ITFG2: variants seen among roughly 807,000 people sequenced by gnomAD.
The protein encoded by ITFG2 is KICSTOR complex protein ITFG2.
A neutral mutation model predicts 54.4 loss-of-function variants in ITFG2; 36 were observed. The observed-to-expected ratio is 0.66, with a 90% CI of 0.51 to 0.87. ITFG2 has a LOEUF of 0.87. Among genes scored for constraint, ITFG2 ranks in the 40% least tolerant of loss-of-function variants. ITFG2 has a pLI of 0.00. For missense variants in ITFG2, 524 were observed against 576.7 expected, an observed-to-expected ratio of 0.91 and a Z score of 0.94; for synonymous variants, 211 against 225.4, an observed-to-expected ratio of 0.94 and a Z score of 0.57.
intron 1 of ITFG2, among the ~76,000 whole-genome samples, chr12:2,814,280 G>T (rs565796509): frequency 1.3e-5 from 2 of 152,268 alleles, no homozygotes; most frequent in East Asian, 3.9e-4. Context: ...AGCACCTTCA[G>T]ATATACATTA....
intron 2 of ITFG2, among the ~76,000 whole-genome samples, chr12:2,856,513 G>A (rs764204792): frequency 4.6e-5 from 7 of 152,216 alleles, no homozygotes; most frequent in Non-Finnish European, 7.4e-5. Flanking sequence ...TTACAGGCGC[G>A]TGCCACCATG....
chr12:2,840,825 AT>A (rs146290451), intron 1 of ITFG2: 4,325 of 147,796 alleles, frequency 0.029, 187 homozygotes, highest in African/African-American at 0.096. Context: ...TCCAAATACA[AT>A]TTTTTTTTTT....
At chr12:2,820,979 A>G in intron 6 of ITFG2, 107 bp downstream of exon 6, 6 of 1,200,784 alleles carry the variant, frequency 5.0e-6, no homozygotes, top group East Asian at 2.5e-5. Context: ...GAGCTGCCTC[A>G]TCTAGGTCCC....
chr12:2,821,755 A>T lies in ITFG2; in HGVS notation c.911A>T (p.Asp304Val). Residue 304 changes from aspartate to valine, a missense_variant, in exon 9 of 12, where the codon GAT (aspartate) becomes GTT (valine). Physicochemically the swap from Asp to Val is radical, Grantham distance 152. Transcript: ENST00000228799. ...ADKLLWSVQVDHQLFALEKLD... is the reference protein window; with the variant it reads ...ADKLLWSVQVVHQLFALEKLD... ...AAGCTGCTGTGGTCAGTGCAGGTGG[A>T]TCACCAGCTCTTTGCCCTGGAGAAA... is the stretch of plus-strand genomic sequence containing the variant. 1 of 1,614,074 alleles carries T rather than the reference A, an allele frequency of 6.2e-7. No homozygotes were observed. Among genetic ancestry groups the T allele is most frequent in the South Asian group, 1.1e-5 (1 of 91,090 alleles).
At chr12:2,849,380 G>A (rs749177320) in intron 2 of ITFG2, 1 of 1,536,200 alleles carries the variant, frequency 6.5e-7, no homozygotes, top group Admixed American at 2.0e-5. Flanking sequence ...GCGCTGGGCA[G>A]CAAGGCCAGC....
At chr12:2,854,511 C>T (rs546618418) in intron 2 of ITFG2, among the ~76,000 whole-genome samples, 1 of 152,320 alleles carries the variant, frequency 6.6e-6, no homozygotes, top group South Asian at 2.1e-4. Context: ...GCTTTCACTC[C>T]AGTTCTTTAC....
upstream of ITFG2, among the ~76,000 whole-genome samples, chr12:2,832,438 A>C (rs1417001831): frequency 6.7e-6 from 1 of 149,984 alleles, no homozygotes; most frequent in Non-Finnish European, 1.5e-5. Flanking sequence ...TCTTCCTGAA[A>C]CTCCTCTTCC....
chr12:2,852,339 T>C lies in ITFG2; in HGVS notation n.301-5673T>C, dbSNP rs535936836. On this transcript the variant is annotated intron_variant and non_coding_transcript_variant, in intron 2 of 3. Transcript: ENST00000537710. ...CTAGGCCCTGTGCCATTTGACCCTC[T>C]AACCACCTTAACCACCTGCTGTGGG... is the stretch of plus-strand genomic sequence containing the variant. Among the ~76,000 whole-genome samples, 9 of 152,238 alleles carry C rather than the reference T, an allele frequency of 5.9e-5. No homozygotes were observed. In the East Asian group the frequency reaches 1.7e-3, roughly 30 times the overall value.
upstream of ITFG2, chr12:2,835,030 G>T: frequency 6.7e-7 from 1 of 1,491,188 alleles, no homozygotes; most frequent in East Asian, 2.3e-5. Flanking sequence ...TTGCTGTAGA[G>T]GGAGTGAGAC....
At chr12:2,818,487 T>C in intron 4 of ITFG2, 2 of 900,068 alleles carry the variant, frequency 2.2e-6, no homozygotes, top group Non-Finnish European at 1.6e-6. Context: ...CTGGGCCTTA[T>C]TATGAAGAAA....
Position 2,818,222 on chromosome 12 carries a change from A to G in ITFG2, c.351A>G (p.Pro117=). 2 of 1,614,060 alleles carry G rather than the reference A, an allele frequency of 1.2e-6. No homozygotes were observed. The highest frequency in any genetic ancestry group is 2.2e-5 in the East Asian group (1 of 44,878). ...HETLIGEEQR[P]VFKQHIPANT... ...CACTAATCGGAGAGGAGCAGCGTCC[A>G]GTCTTCAAGCAGCACATCCCTGCCA... Residue 117 remains proline (P), a synonymous_variant, in exon 4 of 12, where the codon CCA becomes CCG. Transcript: ENST00000228799.
Position 2,844,302 on chromosome 12 carries a change from G to A in ITFG2, n.300+3307G>A, listed in dbSNP as rs140251845. Among the ~76,000 whole-genome samples, 165 of 151,860 alleles carry A rather than the reference G, an allele frequency of 1.1e-3. 1 individual carries two copies. The highest frequency in any genetic ancestry group is 3.8e-3 in the African/African-American group (156 of 41,364). On this transcript the variant is annotated intron_variant and non_coding_transcript_variant, in intron 2 of 3. Coordinates refer to the ITFG2 transcript ENST00000537710. ...GGCATGGTGGCTGATGCCCGTAATCGCAGCACTTTGGGAGGCTGAGGTGGG... is the reference window on the plus strand; with the variant it reads ...GGCATGGTGGCTGATGCCCGTAATCACAGCACTTTGGGAGGCTGAGGTGGG...
intron 2 of ITFG2, among the ~76,000 whole-genome samples, chr12:2,841,864 G>A (rs1196400564): frequency 2.1e-5 from 3 of 146,004 alleles, no homozygotes; most frequent in African/African-American, 7.6e-5. Context: ...GACTACAGGC[G>A]CCCGCCACCA....
At position 2,818,250 on chromosome 12, in the gene ITFG2, A is replaced by G; in HGVS notation, c.379A>G (p.Thr127Ala). 2 of 1,613,742 alleles carry G rather than the reference A, an allele frequency of 1.2e-6. No individual in the cohort carries two copies. Among genetic ancestry groups the G allele is most frequent in the Non-Finnish European group, 1.7e-6 (2 of 1,180,034 alleles). The stretch of plus-strand genomic sequence containing the variant: ...CTTCAAGCAGCACATCCCTGCCAAC[A>G]CCAAGGTCATGCTGATCAGCGACAT... Reference protein sequence around the residue: ...PVFKQHIPANTKVMLISDIDG... With the variant: ...PVFKQHIPANAKVMLISDIDG... Residue 127 changes from threonine to alanine, a missense_variant, in exon 4 of 12, where the codon ACC becomes GCC. Coordinates refer to ENST00000228799, the MANE Select transcript of ITFG2 (RefSeq NM_018463.4).
At chr12:2,834,988 G>A, upstream of ITFG2, 1 of 1,553,914 alleles carries the variant, frequency 6.4e-7, no homozygotes, top group Admixed American at 1.9e-5. Context: ...TAACATGCAG[G>A]AGCAGCCGCG....
upstream of ITFG2, among the ~76,000 whole-genome samples, chr12:2,832,664 G>A (rs935231219): frequency 1.7e-4 from 26 of 150,908 alleles, no homozygotes; most frequent in Non-Finnish European, 1.2e-4. Flanking sequence ...CAAATGTTAT[G>A]TATGGATTTT....
intron 2 of ITFG2, among the ~76,000 whole-genome samples, chr12:2,843,681 C>T (rs955757778): frequency 1.3e-5 from 2 of 152,286 alleles, no homozygotes; most frequent in East Asian, 1.9e-4. Context: ...GGCATGGTGG[C>T]GTGCGCCCAT....
rs1013949128 is a variant in ITFG2 at position 2,812,699 on chromosome 12, C to T, written c.-62C>T. On this transcript the variant is annotated 5_prime_UTR_variant, in exon 1 of 12. Coordinates refer to ENST00000228799, the MANE Select transcript of ITFG2 (RefSeq NM_018463.4). The stretch of plus-strand genomic sequence containing the variant: ...GGTGGCCTTCCGCTCTGGCGGCTGT[C>T]GCGACGGGGGTTCAGGGAATATTTA... 2.7e-6 allele frequency: 4 copies of T among 1,466,266 alleles called. No homozygotes were observed. Among genetic ancestry groups the T allele is most frequent in the Admixed American group, 1.7e-5 (1 of 58,824 alleles). 90.8% of individuals were successfully genotyped at this position (1,466,266 alleles called of 1,614,324 possible).
At chr12:2,840,151 G>A (rs1389572636) in intron 1 of ITFG2, among the ~76,000 whole-genome samples, 2 of 151,832 alleles carry the variant, frequency 1.3e-5, no homozygotes, top group Non-Finnish European at 2.9e-5. Flanking sequence ...TGAGTAGGAA[G>A]GTTCAATATA....
Sources: gnomAD v4.1 joint callset for allele counts (sites outside exome capture counted in the v4.1 genomes callset) on GRCh38, gnomAD v4.1.1 for gene constraint, MANE v1.5 for transcripts, NCBI Gene and HGNC (gene_info 2026-07-23, HGNC 2026-07-21) for gene names.